RBFOX1: variants seen among roughly 807,000 people sequenced by gnomAD.
RBFOX1 encodes RNA binding protein fox-1 homolog 1.
A neutral mutation model predicts 57.7 loss-of-function variants in RBFOX1; 8 were observed. The ratio of observed to expected loss-of-function variants is 0.14; its 90% CI spans 0.08 to 0.25. The LOEUF is 0.25. RBFOX1 is among the 10% of genes least tolerant of loss of function. RBFOX1 has a pLI of 1.00. For missense variants in RBFOX1, 611 were observed against 548.5 expected (o/e 1.11, Z -1.14); for synonymous variants, 326 against 222.4 (o/e 1.47, Z -4.15).
At position 6,807,882 on chromosome 16, in the gene RBFOX1, T is replaced by C. The variant is rs535506661; in HGVS notation, c.-16+153232T>C. Among the ~76,000 whole-genome samples the C allele has an allele frequency of 1.2e-4, 16 of 132,996 alleles. No homozygotes were observed. The South Asian group carries it at 3.9e-3, about 32-fold the overall frequency. 87.3% of individuals were successfully genotyped at this position (132,996 alleles called of 152,430 possible). A position where few individuals can be genotyped will look rare whatever the true frequency, so the allele number is the denominator to read the frequency against. On this transcript the variant is annotated intron_variant, in intron 3 of 15. Coordinates refer to ENST00000550418, the MANE Select transcript of RBFOX1 (RefSeq NM_018723.4). ...ATGTTAGTATATATATCTAGTTCTG[T>C]TGAATATATATTATTGTGTGTGTGT...
intron 5 of RBFOX1, among the ~76,000 whole-genome samples, chr16:7,569,349 C>T (rs990843076): frequency 3.9e-5 from 6 of 152,138 alleles, no homozygotes; most frequent in African/African-American, 1.4e-4. Flanking sequence ...TTTCCCCATG[C>T]CTTTCCTGGC....
In RBFOX1 at chr16:6,839,165, T is replaced by G. The variant is rs577296304; in HGVS notation, c.-16+184515T>G. 2.0e-4 allele frequency among the ~76,000 whole-genome samples: 31 copies of G among 151,864 alleles called. 1 individual carries two copies. In the Middle Eastern group the frequency reaches 0.01, roughly 50 times the overall value. The stretch of plus-strand genomic sequence containing the variant: ...ACACCCAGCTAATTTTTGTATTTCT[T>G]GTAGAGACAGGGTTTCACCATGTTG... On this transcript the variant is annotated intron_variant, in intron 3 of 15. Transcript: ENST00000550418.
At chr16:6,292,642 C>T (rs1284718893) in intron 1 of RBFOX1, among the ~76,000 whole-genome samples, 1 of 152,098 alleles carries the variant, frequency 6.6e-6, no homozygotes, top group South Asian at 2.1e-4. Flanking sequence ...TGGAAAATTT[C>T]TGTAGTCAGA....
At chr16:5,656,049 A>G (rs895140392) in intron 3 of RBFOX1, among the ~76,000 whole-genome samples, 1 of 152,180 alleles carries the variant, frequency 6.6e-6, no homozygotes, top group African/African-American at 2.4e-5. Context: ...GGAAAGATTG[A>G]CTGGGATTAC....
At chr16:6,638,172 C>T (rs1257132835) in intron 2 of RBFOX1, among the ~76,000 whole-genome samples, 1 of 151,950 alleles carries the variant, frequency 6.6e-6, no homozygotes, top group Non-Finnish European at 1.5e-5. Flanking sequence ...TGTCTTCTTG[C>T]ATATAAAAAT....
intron 3 of RBFOX1, among the ~76,000 whole-genome samples, chr16:6,839,108 C>T (rs2093312714): frequency 6.6e-6 from 1 of 151,856 alleles, no homozygotes; most frequent in South Asian, 2.1e-4. Context: ...CCTCAGCCTC[C>T]CAAGTAGGTG....
chr16:6,516,117 C>T (rs927568751), intron 2 of RBFOX1, among the ~76,000 whole-genome samples: 10 of 152,276 alleles, frequency 6.6e-5, no homozygotes, highest in South Asian at 2.1e-4. Context: ...TAACTTCCGC[C>T]GCCCAGGTTC....
rs145603216 is a variant in RBFOX1 at position 6,370,667 on chromosome 16, C to G, written c.-64+53610C>G. Among the ~76,000 whole-genome samples, 659 of 152,156 alleles carry G rather than the reference C, an allele frequency of 4.3e-3. 3 individuals are homozygous for G. The highest frequency in any genetic ancestry group is 0.015 in the African/African-American group (611 of 41,512). On this transcript the variant is annotated intron_variant, in intron 2 of 15. Transcript: ENST00000550418. The stretch of plus-strand genomic sequence containing the variant: ...ATAGAGACAAAGTAATATAGTGGTT[C>G]CTAGGGACCAGGGGGAGGATAGAAT...
chr16:5,485,992 G>C (rs1031191093), intron 2 of RBFOX1, among the ~76,000 whole-genome samples: 1 of 152,232 alleles, frequency 6.6e-6, no homozygotes, highest in Admixed American at 6.5e-5. Flanking sequence ...AAAGCAGCCA[G>C]CTCATAGTCA....
intron 4 of RBFOX1, among the ~76,000 whole-genome samples, chr16:7,344,773 C>T (rs1346958273): frequency 6.6e-6 from 1 of 152,200 alleles, no homozygotes; most frequent in Non-Finnish European, 1.5e-5. Context: ...AGCCAGGTGT[C>T]TGGCTGCAGA....
At chr16:7,067,680 C>T (rs923539184) in intron 4 of RBFOX1, among the ~76,000 whole-genome samples, 2 of 116,454 alleles carry the variant, frequency 1.7e-5, no homozygotes, top group Non-Finnish European at 3.4e-5. Flanking sequence ...AGCTATCCCT[C>T]CCCCGTCCCC....
intron 2 of RBFOX1, among the ~76,000 whole-genome samples, chr16:6,502,835 T>G (rs1305456662): frequency 6.6e-6 from 1 of 152,218 alleles, no homozygotes; most frequent in Non-Finnish European, 1.5e-5. Context: ...TTCTCGCTGG[T>G]TCTGGATTGA....
At chr16:6,489,039 G>T (rs1257814343) in intron 2 of RBFOX1, among the ~76,000 whole-genome samples, 2 of 152,144 alleles carry the variant, frequency 1.3e-5, no homozygotes, top group Non-Finnish European at 2.9e-5. Flanking sequence ...CACTAAAATT[G>T]TTACAGCTGC....
At chr16:7,517,751 A>G (rs1362376657) in intron 4 of RBFOX1, among the ~76,000 whole-genome samples, 2 of 151,844 alleles carry the variant, frequency 1.3e-5, no homozygotes, top group African/African-American at 4.8e-5. Flanking sequence ...TATCAAATCA[A>G]GGTTCTGCTG....
At chr16:5,897,016 C>CTTTATTTTTTTTTTTTTTTTTTT (rs2058182340) in intron 4 of RBFOX1, among the ~76,000 whole-genome samples, 1 of 56,460 alleles carries the variant, frequency 1.8e-5, no homozygotes, top group Admixed American at 3.0e-4. Context: ...TATCCATCCG[C>CTTTATTTTTTTTTTTTTTTTTTT]TTTTTTTTTT....
intron 4 of RBFOX1, among the ~76,000 whole-genome samples, chr16:7,088,999 C>G (rs1042013526): frequency 6.6e-6 from 1 of 152,146 alleles, no homozygotes. Context: ...TTGTTGAATT[C>G]TTTGTTAATC....
Position 7,683,851 on chromosome 16 carries a change from C to A in RBFOX1, c.995+7013C>A, listed in dbSNP as rs1489907131. Among the ~76,000 whole-genome samples, 3 of 131,280 alleles carry A rather than the reference C, an allele frequency of 2.3e-5. No individual in the cohort carries two copies. In the Admixed American group the frequency reaches 2.4e-4, roughly 10 times the overall value. 86.1% of individuals were successfully genotyped at this position (131,280 alleles called of 152,430 possible). Reference sequence around the variant, plus strand: ...AGCCATTTCTATTGCTAAAAAAAAACCTGCATTCTAGAAGACAGTAATCCA... The same window carrying A: ...AGCCATTTCTATTGCTAAAAAAAAAACTGCATTCTAGAAGACAGTAATCCA... On this transcript the variant is annotated intron_variant, in intron 14 of 15. Transcript: ENST00000550418.
chr16:6,382,860 A>G (rs1042115933), intron 2 of RBFOX1, among the ~76,000 whole-genome samples: 1 of 152,164 alleles, frequency 6.6e-6, no homozygotes, highest in Admixed American at 6.5e-5. Context: ...ACTCTGTCTC[A>G]AAAAAGAAAA....
At chr16:6,649,529 C>A (rs1019123809) in intron 2 of RBFOX1, among the ~76,000 whole-genome samples, 2 of 152,170 alleles carry the variant, frequency 1.3e-5, no homozygotes, top group African/African-American at 4.8e-5. Flanking sequence ...CGACACTTTC[C>A]CCTGAGTCCG....
Sources: gnomAD v4.1 joint callset for allele counts (sites outside exome capture counted in the v4.1 genomes callset) on GRCh38, gnomAD v4.1.1 for gene constraint, MANE v1.5 for transcripts, NCBI Gene and HGNC (gene_info 2026-07-23, HGNC 2026-07-21) for gene names.